The following VRK2 variants were observed in gnomAD, a reference collection of about 807,000 sequenced individuals.
VRK2 encodes the protein VRK serine/threonine kinase 2.
Under a neutral mutation model 57.6 loss-of-function variants are expected in VRK2, and 60 were observed. The ratio of observed to expected loss-of-function variants is 1.04; its 90% CI spans 0.85 to 1.29. The LOEUF (loss-of-function observed/expected upper bound fraction) is 1.29. Among genes scored for constraint, VRK2 ranks in the 50% most tolerant of loss-of-function variants. VRK2 has a pLI of 0.00. For synonymous variants in VRK2, 231 were observed against 199.2 expected (o/e 1.16, Z -1.35); for missense variants, 705 against 588.1 (o/e 1.20, Z -2.06).
chr2:57,945,382 C>A (rs1671230233), intron 1 of VRK2, among the ~76,000 whole-genome samples: 1 of 152,152 alleles, frequency 6.6e-6, no homozygotes, highest in Non-Finnish European at 1.5e-5. Context: ...TAGATCGAGT[C>A]TATCAACTGT....
chr2:58,156,944 G>T (rs1176406209), intron 12 of VRK2, among the ~76,000 whole-genome samples: 1 of 152,092 alleles, frequency 6.6e-6, no homozygotes. Context: ...GTGGTCTTTA[G>T]ACTCCAGATT....
At chr2:58,082,938 T>A (rs1057070472) in intron 2 of VRK2, among the ~76,000 whole-genome samples, 1 of 151,772 alleles carries the variant, frequency 6.6e-6, no homozygotes, top group Admixed American at 6.6e-5. Context: ...TAATAAAATT[T>A]GTGACATATT....
intron 7 of VRK2, among the ~76,000 whole-genome samples, chr2:58,101,619 C>T (rs1673977650): frequency 6.6e-6 from 1 of 151,572 alleles, no homozygotes; most frequent in Non-Finnish European, 1.5e-5. Context: ...CTCTGTGCCA[C>T]ACTTTCTCTT....
At chr2:58,026,960 C>T (rs116148186) in intron 2 of VRK2, 1 of 151,704 alleles carries the variant, frequency 6.6e-6, no homozygotes, top group African/African-American at 2.4e-5. Flanking sequence ...AACTCCTGGG[C>T]TCACGTGATT....
chr2:58,062,496 T>G (rs1394291814), intron 2 of VRK2, among the ~76,000 whole-genome samples: 2 of 152,082 alleles, frequency 1.3e-5, no homozygotes, highest in Non-Finnish European at 2.9e-5. Flanking sequence ...AGGCTAGGCC[T>G]CTTAAACACC....
At chr2:57,993,148 T>A (rs547290920) in intron 1 of VRK2, among the ~76,000 whole-genome samples, 32 of 152,346 alleles carry the variant, frequency 2.1e-4, no homozygotes, top group African/African-American at 7.7e-4. Context: ...CCACAAGACA[T>A]TTCCTGGGAA....
intron 1 of VRK2, among the ~76,000 whole-genome samples, chr2:57,962,295 G>C (rs1275716015): frequency 1.3e-5 from 2 of 152,150 alleles, no homozygotes; most frequent in Non-Finnish European, 2.9e-5. Flanking sequence ...CTCCCAGAGA[G>C]ACAATTCGTG....
chr2:57,955,644 G>A (rs190136714), intron 1 of VRK2, among the ~76,000 whole-genome samples: 50 of 152,174 alleles, frequency 3.3e-4, no homozygotes, highest in Admixed American at 2.8e-3. Context: ...AAAAAAATGT[G>A]GGGCTTAACA....
intron 7 of VRK2, among the ~76,000 whole-genome samples, chr2:58,106,136 G>A (rs1674717897): frequency 6.6e-6 from 1 of 151,932 alleles, no homozygotes. Context: ...CAGGTTGTGT[G>A]TCTTGATTAG....
chr2:57,938,717 A>G (rs1310466020), intron 1 of VRK2, among the ~76,000 whole-genome samples: 5 of 152,086 alleles, frequency 3.3e-5, no homozygotes. Flanking sequence ...AAGTTGTCAC[A>G]TATCTACATT....
chr2:57,946,485 T>C (rs1200705926), intron 1 of VRK2, among the ~76,000 whole-genome samples: 2 of 152,060 alleles, frequency 1.3e-5, no homozygotes, highest in Non-Finnish European at 1.5e-5. Context: ...GTTTACTAAA[T>C]AAAAGATGGT....
chr2:58,079,565 T>C (rs909121366), intron 2 of VRK2, among the ~76,000 whole-genome samples: 2 of 152,080 alleles, frequency 1.3e-5, no homozygotes, highest in Non-Finnish European at 2.9e-5. Flanking sequence ...CATTTATTTG[T>C]TTATTTATTT....
chr2:58,148,493 T>C (rs987446479), intron 12 of VRK2, among the ~76,000 whole-genome samples: 33 of 151,976 alleles, frequency 2.2e-4, no homozygotes, highest in African/African-American at 7.7e-4. Context: ...CAGAAGCTTT[T>C]TATATTATTT....
chr2:58,089,805 G>A, intron 7 of VRK2, 82 bp downstream of exon 7: 1 of 958,394 alleles, frequency 1.0e-6, no homozygotes, highest in Non-Finnish European at 1.6e-6. Flanking sequence ...TAACCCAGAA[G>A]AGTTTACAAA....
chr2:58,134,771 T>A (rs1378285590), intron 9 of VRK2, among the ~76,000 whole-genome samples: 1 of 152,084 alleles, frequency 6.6e-6, no homozygotes, highest in African/African-American at 2.4e-5. Context: ...CTTCCTTGGG[T>A]CTTTGGTCTT....
At chr2:57,985,696 C>CAT (rs1672573244) in intron 1 of VRK2, among the ~76,000 whole-genome samples, 1 of 151,936 alleles carries the variant, frequency 6.6e-6, no homozygotes, top group Non-Finnish European at 1.5e-5. Context: ...TACTGAAGGT[C>CAT]ATAGCTTCAG....
chr2:58,125,924 T>C (rs1464374588), intron 8 of VRK2, among the ~76,000 whole-genome samples: 6 of 152,056 alleles, frequency 3.9e-5, no homozygotes, highest in Non-Finnish European at 7.4e-5. Flanking sequence ...GCAAAACATT[T>C]CAGTTGAGGA....
At chr2:58,076,571 A>T (rs1400542297) in intron 2 of VRK2, among the ~76,000 whole-genome samples, 2 of 151,752 alleles carry the variant, frequency 1.3e-5, no homozygotes, top group South Asian at 2.1e-4. Context: ...TGAAATACTG[A>T]TTTGTTTCCT....
intron 7 of VRK2, among the ~76,000 whole-genome samples, chr2:58,102,863 A>G (rs1674198901): frequency 6.6e-6 from 1 of 151,712 alleles, no homozygotes; most frequent in African/African-American, 2.4e-5. Flanking sequence ...ACATTTTAAA[A>G]AATCAAAATC....
Sources: allele counts gnomAD v4.1 joint callset (sites outside exome capture counted in the v4.1 genomes callset), GRCh38; gene constraint gnomAD v4.1.1; transcripts MANE v1.5; gene names NCBI Gene and HGNC (gene_info 2026-07-23, HGNC 2026-07-21).